Variants in SORCS2 observed in about 807,000 individuals in gnomAD.
The protein encoded by SORCS2 is VPS10 domain-containing receptor SorCS2.
SORCS2 carries 100 observed loss-of-function variants against 141.6 expected under a neutral mutation model. That is an observed-to-expected ratio of 0.71 (90% CI 0.60 to 0.83). SORCS2 has a LOEUF of 0.83. Among genes scored for constraint, SORCS2 ranks in the 40% least tolerant of loss-of-function variants. The pLI is 0.00. For missense variants in SORCS2, 1,646 were observed against 1,560.2 expected (o/e 1.05, Z -0.93); for synonymous variants, 789 against 676.9 (o/e 1.17, Z -2.57).
intron 3 of SORCS2, among the ~76,000 whole-genome samples, chr4:7,561,981 A>T (rs999195329): frequency 6.6e-6 from 1 of 152,168 alleles, no homozygotes; most frequent in African/African-American, 2.4e-5. Flanking sequence ...CCATCTACCC[A>T]TCCGTCCCAC....
intron 1 of SORCS2, among the ~76,000 whole-genome samples, chr4:7,330,006 G>A (rs1182186104): frequency 6.6e-6 from 1 of 152,024 alleles, no homozygotes; most frequent in African/African-American, 2.4e-5. Context: ...GTGTTGGCAG[G>A]TGCGGTTCCT....
intron 3 of SORCS2, among the ~76,000 whole-genome samples, chr4:7,602,236 C>T (rs533580225): frequency 2.3e-4 from 35 of 149,026 alleles, no homozygotes; most frequent in African/African-American, 4.9e-5. Context: ...ACCTCCCAGA[C>T]GGGGTGGCCA....
Position 7,621,537 on chromosome 4 carries a change from GTA to G in SORCS2, c.649-16789_649-16788del, listed in dbSNP as rs1271424639. Reference sequence around the variant, plus strand: ...TGTTTATGTGTGTGTCTATGTGTGAGTATGTGTGTGTGTGTGTTTGTGTGTCT... The same window carrying G: ...TGTTTATGTGTGTGTCTATGTGTGAGTGTGTGTGTGTGTGTTTGTGTGTCT... On this transcript the variant is annotated intron_variant, in intron 3 of 26. Coordinates refer to ENST00000507866, the MANE Select transcript of SORCS2 (RefSeq NM_020777.3). Among the ~76,000 whole-genome samples the G allele has an allele frequency of 4.4e-4, 66 of 151,476 alleles. No individual in the cohort carries two copies. The East Asian group carries it at 5.0e-3, about 12-fold the overall frequency.
intron 1 of SORCS2, among the ~76,000 whole-genome samples, chr4:7,270,351 G>C (rs1010288034): frequency 6.6e-6 from 1 of 152,250 alleles, no homozygotes; most frequent in African/African-American, 2.4e-5. Context: ...CCACGGCTGC[G>C]TTCACCCTTG....
At chr4:7,607,996 G>T (rs765380135) in intron 3 of SORCS2, among the ~76,000 whole-genome samples, 5 of 152,150 alleles carry the variant, frequency 3.3e-5, no homozygotes, top group South Asian at 4.1e-4. Context: ...ATGAGGATTT[G>T]CAGACAAATA....
intron 1 of SORCS2, among the ~76,000 whole-genome samples, chr4:7,351,589 C>T (rs751039781): frequency 3.7e-4 from 57 of 152,112 alleles, no homozygotes; most frequent in Admixed American, 6.5e-4. Flanking sequence ...ATAGGGACAC[C>T]GAAGAGGGGA....
intron 18 of SORCS2, among the ~76,000 whole-genome samples, chr4:7,718,763 A>G (rs1037326867): frequency 6.6e-6 from 1 of 152,214 alleles, no homozygotes; most frequent in African/African-American, 2.4e-5. Flanking sequence ...CGTTAAAAAT[A>G]ATGAATGTTC....
At chr4:7,503,852 C>A (rs909883132) in intron 2 of SORCS2, among the ~76,000 whole-genome samples, 1 of 152,216 alleles carries the variant, frequency 6.6e-6, no homozygotes, top group Non-Finnish European at 1.5e-5. Context: ...TCACCAAGAA[C>A]CACAGGCTAG....
chr4:7,639,910 G>GGT (rs56651444), intron 4 of SORCS2, among the ~76,000 whole-genome samples: 13 of 126,416 alleles, frequency 1.0e-4, no homozygotes, highest in East Asian at 2.6e-4. Context: ...TGTGTTTGTG[G>GGT]GTGTGTGTGT....
intron 3 of SORCS2, among the ~76,000 whole-genome samples, chr4:7,533,538 A>G (rs1265425117): frequency 1.3e-5 from 2 of 151,590 alleles, no homozygotes; most frequent in Non-Finnish European, 2.9e-5. Flanking sequence ...TGCAGGGGAC[A>G]CTCCGCTCCT....
At chr4:7,373,012 T>G (rs1329784329) in intron 1 of SORCS2, among the ~76,000 whole-genome samples, 2 of 151,314 alleles carry the variant, frequency 1.3e-5, no homozygotes, top group Non-Finnish European at 1.5e-5. Context: ...TTCTGTTTTT[T>G]TTTTTTTTTT....
chr4:7,470,408 G>A (rs1037386447), intron 2 of SORCS2, among the ~76,000 whole-genome samples: 1 of 151,754 alleles, frequency 6.6e-6, no homozygotes, highest in South Asian at 2.1e-4. Context: ...CATCCATCCA[G>A]CCATCCAGCC....
chr4:7,327,671 C>T (rs979597701), intron 1 of SORCS2, among the ~76,000 whole-genome samples: 1 of 152,200 alleles, frequency 6.6e-6, no homozygotes. Flanking sequence ...TGCAGTGTCT[C>T]CCGGGACGTC....
intron 3 of SORCS2, among the ~76,000 whole-genome samples, chr4:7,597,640 G>T (rs186989416): frequency 2.1e-3 from 300 of 143,748 alleles, no homozygotes; most frequent in African/African-American, 7.6e-3. Flanking sequence ...AGGGAAGGGG[G>T]CTATTGTAAT....
chr4:7,440,820 C>T (rs1250009528), intron 2 of SORCS2, among the ~76,000 whole-genome samples: 1 of 152,170 alleles, frequency 6.6e-6, no homozygotes, highest in Non-Finnish European at 1.5e-5. Context: ...CATCACGGGT[C>T]ACTCATTTCA....
intron 3 of SORCS2, among the ~76,000 whole-genome samples, chr4:7,545,823 G>A (rs181968683): frequency 3.3e-5 from 5 of 152,282 alleles, no homozygotes; most frequent in African/African-American, 9.6e-5. Context: ...CCGTCAGCTC[G>A]GATGGCTCTC....
chr4:7,592,308 A>G (rs771677028), intron 3 of SORCS2, among the ~76,000 whole-genome samples: 1 of 152,088 alleles, frequency 6.6e-6, no homozygotes, highest in Non-Finnish European at 1.5e-5. Context: ...TTTTGGAACC[A>G]AATAGGCCGG....
At chr4:7,283,985 T>G (rs2108864467) in intron 1 of SORCS2, among the ~76,000 whole-genome samples, 1 of 152,272 alleles carries the variant, frequency 6.6e-6, no homozygotes, top group African/African-American at 2.4e-5. Flanking sequence ...CTGGCAGCCC[T>G]GATGGGATCA....
chr4:7,716,159 T>A (rs891709259), intron 17 of SORCS2, among the ~76,000 whole-genome samples: 2 of 152,206 alleles, frequency 1.3e-5, no homozygotes, highest in African/African-American at 2.4e-5. Context: ...AAAGTCCCAA[T>A]TTCCTCATTT....
Sources: gnomAD v4.1 joint callset for allele counts (sites outside exome capture counted in the v4.1 genomes callset) on GRCh38, gnomAD v4.1.1 for gene constraint, MANE v1.5 for transcripts, NCBI Gene and HGNC (gene_info 2026-07-23, HGNC 2026-07-21) for gene names.